The following NT5C3A variants were observed in gnomAD, a reference collection of about 807,000 sequenced individuals.
The protein encoded by NT5C3A is 5'-nucleotidase, cytosolic IIIA, also known as cytosolic 5'-nucleotidase 3A.
NT5C3A carries 23 observed loss-of-function variants against 40.0 expected under a neutral mutation model. The observed-to-expected ratio is 0.58, with a 90% CI of 0.41 to 0.81. NT5C3A has a LOEUF of 0.81. Ranked by LOEUF, NT5C3A falls within the 40% of genes least tolerant of loss-of-function variation. The pLI is 0.00. For missense variants in NT5C3A, 328 were observed against 403.0 expected, an observed-to-expected ratio of 0.81 and a Z score of 1.59; for synonymous variants, 130 against 141.4, an observed-to-expected ratio of 0.92 and a Z score of 0.57.
At chr7:33,027,904 G>A (rs1487137942) in intron 1 of NT5C3A, among the ~76,000 whole-genome samples, 1 of 151,460 alleles carries the variant, frequency 6.6e-6, no homozygotes, top group African/African-American at 2.4e-5. Flanking sequence ...TGGCTTTTAT[G>A]AATTAATACA....
At chr7:33,058,605 C>T (rs1451141868) in intron 1 of NT5C3A, among the ~76,000 whole-genome samples, 1 of 152,218 alleles carries the variant, frequency 6.6e-6, no homozygotes, top group East Asian at 1.9e-4. Flanking sequence ...CCCGCCTTGG[C>T]CTCCCAAAGT....
chr7:33,046,638 G>T (rs1787169633), intron 1 of NT5C3A, among the ~76,000 whole-genome samples: 2 of 152,024 alleles, frequency 1.3e-5, no homozygotes, highest in Admixed American at 6.6e-5. Context: ...TACTTAAAAA[G>T]CATTAAATTC....
intron 5 of NT5C3A, among the ~76,000 whole-genome samples, chr7:33,020,256 A>G (rs1785551265): frequency 1.3e-5 from 2 of 152,134 alleles, no homozygotes; most frequent in Non-Finnish European, 2.9e-5. Context: ...AACCCATTAC[A>G]ATTATGCAAA....
At chr7:33,034,047 C>A (rs563848703) in intron 1 of NT5C3A, among the ~76,000 whole-genome samples, 12 of 151,708 alleles carry the variant, frequency 7.9e-5, no homozygotes, top group African/African-American at 2.7e-4. Flanking sequence ...CCCGCCACCA[C>A]GCCTGGATAA....
chr7:33,028,064 GCT>G (rs1786045682), intron 1 of NT5C3A, among the ~76,000 whole-genome samples: 1 of 152,144 alleles, frequency 6.6e-6, no homozygotes, highest in Admixed American at 6.5e-5. Context: ...CAAGATCTTT[GCT>G]CTTTTTATTG....
intron 3 of NT5C3A, among the ~76,000 whole-genome samples, chr7:33,023,408 G>A (rs905119993): frequency 1.4e-4 from 21 of 151,858 alleles, no homozygotes; most frequent in African/African-American, 3.9e-4. Flanking sequence ...ACAGGTGCCC[G>A]CCACCATGCC....
At chr7:33,056,059 A>C (rs1308672292) in intron 1 of NT5C3A, among the ~76,000 whole-genome samples, 3 of 152,198 alleles carry the variant, frequency 2.0e-5, no homozygotes, top group African/African-American at 7.2e-5. Context: ...ACAGTGAGCT[A>C]TCATCATGTC....
chr7:33,015,966 T>C (rs747657125), intron 7 of NT5C3A, 96 bp from the exon 8 acceptor site: 1 of 824,054 alleles, frequency 1.2e-6, no homozygotes. Context: ...TATTATTTCA[T>C]CATATTTGTA....
intron 6 of NT5C3A, among the ~76,000 whole-genome samples, chr7:33,018,881 T>C (rs1785482126): frequency 6.6e-6 from 1 of 151,988 alleles, no homozygotes; most frequent in South Asian, 2.1e-4. Flanking sequence ...AACTCATGCA[T>C]ACATATATAA....
At chr7:33,038,481 A>G (rs1786727216) in intron 1 of NT5C3A, among the ~76,000 whole-genome samples, 1 of 150,802 alleles carries the variant, frequency 6.6e-6, no homozygotes, top group Non-Finnish European at 1.5e-5. Flanking sequence ...AAGAAATTTG[A>G]TGGCCAACTT....
chr7:33,026,440 C>T (rs545443837), intron 2 of NT5C3A, among the ~76,000 whole-genome samples: 34 of 150,808 alleles, frequency 2.3e-4, no homozygotes, highest in African/African-American at 7.8e-4. Context: ...TTGCAAACTC[C>T]GCCTCCCGGG....
chr7:33,052,953 T>A (rs1024900462), intron 1 of NT5C3A, among the ~76,000 whole-genome samples: 2 of 152,180 alleles, frequency 1.3e-5, no homozygotes, highest in African/African-American at 4.8e-5. Flanking sequence ...TGTAAAACAC[T>A]AGTATATGGG....
chr7:33,044,256 A>AT (rs1787050102), intron 1 of NT5C3A, among the ~76,000 whole-genome samples: 1 of 152,164 alleles, frequency 6.6e-6, no homozygotes, highest in South Asian at 2.1e-4. Context: ...AACACATAAC[A>AT]TGAGAGGGCT....
At chr7:33,022,724 G>A (rs1178169114) in intron 3 of NT5C3A, among the ~76,000 whole-genome samples, 4 of 152,074 alleles carry the variant, frequency 2.6e-5, no homozygotes, top group Admixed American at 6.6e-5. Context: ...TGGTATGTGA[G>A]CAGAAAATAA....
At chr7:33,029,563 T>C (rs1052459077) in intron 1 of NT5C3A, 1 of 804,644 alleles carries the variant, frequency 1.2e-6, no homozygotes, top group Admixed American at 2.3e-5. Context: ...ACAGGATATA[T>C]ATCATAGACT....
intron 1 of NT5C3A, among the ~76,000 whole-genome samples, chr7:33,057,384 C>T (rs928409094): frequency 3.9e-5 from 6 of 152,052 alleles, no homozygotes; most frequent in African/African-American, 7.2e-5. Context: ...ATTAGTTGGG[C>T]GTGGTGGTGC....
chr7:33,056,421 G>C (rs971198827), intron 1 of NT5C3A, among the ~76,000 whole-genome samples: 9 of 128,212 alleles, frequency 7.0e-5, no homozygotes, highest in Non-Finnish European at 1.3e-4. Flanking sequence ...AAGACTGCTT[G>C]AGCCCAGGAA....
At chr7:33,017,255 A>T in intron 7 of NT5C3A, 184 bp downstream of exon 7, 1 of 576,682 alleles carries the variant, frequency 1.7e-6, no homozygotes, top group Non-Finnish European at 3.1e-6. Flanking sequence ...TGAAAGTTTA[A>T]GAAGGGCACA....
chr7:33,055,550 A>C (rs545623706), intron 1 of NT5C3A, among the ~76,000 whole-genome samples: 1 of 152,170 alleles, frequency 6.6e-6, no homozygotes, highest in South Asian at 2.1e-4. Flanking sequence ...ATTCAGCTTG[A>C]CTGAAATAGG....
Sources: gnomAD v4.1 joint callset for allele counts (sites outside exome capture counted in the v4.1 genomes callset) on GRCh38, gnomAD v4.1.1 for gene constraint, MANE v1.5 for transcripts, NCBI Gene and HGNC (gene_info 2026-07-23, HGNC 2026-07-21) for gene names.